MARK2: variants seen among roughly 807,000 people sequenced by gnomAD.
The protein encoded by MARK2 is microtubule affinity regulating kinase 2, also known as serine/threonine-protein kinase MARK2.
A neutral mutation model predicts 89.8 loss-of-function variants in MARK2; 16 were observed. The ratio of observed to expected loss-of-function variants is 0.18; its 90% CI spans 0.12 to 0.27. MARK2 has a LOEUF of 0.27. Among genes scored for constraint, MARK2 ranks in the 10% least tolerant of loss-of-function variants. The probability of loss-of-function intolerance (pLI) is 1.00; values close to 1 mark genes in which losing one functional copy is unlikely to be tolerated. For synonymous variants in MARK2, 382 were observed against 399.5 expected (o/e 0.96, Z 0.52); for missense variants, 621 against 1,049.9 (o/e 0.59, Z 5.65).
intron 1 of MARK2, among the ~76,000 whole-genome samples, chr11:63,869,916 G>C (rs1938352732): frequency 6.6e-6 from 1 of 150,542 alleles, no homozygotes; most frequent in African/African-American, 2.5e-5. Context: ...ATCCATACAG[G>C]AAGACACTCA....
chr11:63,901,002 C>T lies in MARK2; in HGVS notation c.1034C>T (p.Ser345Leu), dbSNP rs747377755. 6.8e-6 allele frequency: 11 copies of T among 1,614,158 alleles called. No individual in the cohort carries two copies. The highest frequency in any genetic ancestry group is 1.3e-5 in the African/African-American group (1 of 75,038). The change falls in exon 11 of 19, where the codon TCG (serine) becomes TTG (leucine). Residue 345 changes from serine (S) to leucine (L), a missense_variant. Physicochemically the swap from Ser to Leu is moderately radical, Grantham distance 145 (BLOSUM62 -2). Coordinates refer to ENST00000402010, the MANE Select transcript of MARK2 (RefSeq NM_001039469.3). ...MGYTREEIQD[S>L]LVGQRYNEVM... ...TATACACGGGAAGAGATCCAGGACTCGCTGGTGGGCCAGAGATACAACGAG... is the reference window on the plus strand; with the variant it reads ...TATACACGGGAAGAGATCCAGGACTTGCTGGTGGGCCAGAGATACAACGAG...
chr11:63,883,545 A>G (rs1300717976), intron 1 of MARK2, among the ~76,000 whole-genome samples: 4 of 151,910 alleles, frequency 2.6e-5, no homozygotes, highest in African/African-American at 9.7e-5. Flanking sequence ...ACATTACTGA[A>G]CACCACGTTC....
In MARK2 at chr11:63,908,324, C is replaced by T. The variant is rs371563761; in HGVS notation, c.2006+20C>T. ...GCTCAGGTGAGAGGGCTGGAGCCAG[C>T]ACTGGCCCTGCCCGGGCCACCGGGC... On this transcript the variant is annotated intron_variant, in intron 18 of 18. Coordinates refer to ENST00000402010, the MANE Select transcript of MARK2 (RefSeq NM_001039469.3). 10 of 1,553,874 alleles carry T rather than the reference C, an allele frequency of 6.4e-6. No individual in the cohort carries two copies. The highest frequency in any genetic ancestry group is 7.0e-6 in the Non-Finnish European group (8 of 1,147,432).
At chr11:63,856,010 AT>A (rs1340460551) in intron 1 of MARK2, among the ~76,000 whole-genome samples, 1 of 152,244 alleles carries the variant, frequency 6.6e-6, no homozygotes, top group Non-Finnish European at 1.5e-5. Context: ...GTAGTCCTCA[AT>A]AATTTTTTAA....
At chr11:63,864,355 CGA>C (rs1326905934) in intron 1 of MARK2, among the ~76,000 whole-genome samples, 1 of 151,604 alleles carries the variant, frequency 6.6e-6, no homozygotes, top group African/African-American at 2.4e-5. Flanking sequence ...CAGGTTCAAG[CGA>C]TTCTCCTGCC....
At chr11:63,899,800 C>G in intron 7 of MARK2, 74 bp from the exon 8 acceptor site, 4 of 936,844 alleles carry the variant, frequency 4.3e-6, no homozygotes, top group South Asian at 4.1e-5. Flanking sequence ...TCTCCCATTC[C>G]CCTCAGCTCC....
intron 1 of MARK2, chr11:63,882,452 G>GA (rs1939150961): frequency 6.6e-6 from 1 of 151,840 alleles, no homozygotes; most frequent in South Asian, 2.1e-4. Context: ...GCATGGTGGC[G>GA]CATACCTGTA....
Position 63,900,059 on chromosome 11 carries a change from C to A in MARK2, c.717C>A (p.Ile239=), listed in dbSNP as rs763016757. 6.8e-6 allele frequency: 11 copies of A among 1,614,134 alleles called. No homozygotes were observed. The highest frequency in any genetic ancestry group is 3.3e-4 in the Middle Eastern group (2 of 6,062). The part of the protein sequence containing the change: ...PEVDVWSLGV[I]LYTLVSGSLP... ...TGGATGTGTGGAGCCTAGGAGTTAT[C>A]CTCTATACACTGGTCAGCGGATCCC... Residue 239 remains isoleucine (I), a synonymous_variant, in exon 8 of 19, where the codon ATC becomes ATA. Transcript: ENST00000402010. The surrounding 1 kb of genome is among the most constrained non-coding windows in gnomAD (Gnocchi z 4.7).
chr11:63,843,873 A>T (rs1308886184), intron 1 of MARK2, among the ~76,000 whole-genome samples: 1 of 152,016 alleles, frequency 6.6e-6, no homozygotes, highest in Admixed American at 6.6e-5. Flanking sequence ...GATCTGCTGG[A>T]TAAATATTTT....
Position 63,904,702 on chromosome 11 carries a change from C to T in MARK2, c.1677-84C>T, listed in dbSNP as rs1449307444. On this transcript the variant is annotated intron_variant, in intron 15 of 18. Coordinates refer to ENST00000402010, the MANE Select transcript of MARK2 (RefSeq NM_001039469.3). The surrounding 1 kb of genome is among the most constrained non-coding windows in gnomAD (Gnocchi z 6.3). ...TCTGCCCTAGCATCCCCCTCCCTGT[C>T]CCCACCACAGGGTGTCCAGGTGCCC... The T allele has an allele frequency of 3.2e-6, 4 of 1,239,540 alleles. No homozygotes were observed. The African/African-American group carries it at 4.4e-5, about 14-fold the overall frequency. 76.8% of individuals were successfully genotyped at this position (1,239,540 alleles called of 1,614,324 possible). A position where few individuals can be genotyped will look rare whatever the true frequency, so the allele number is the denominator to read the frequency against.
intron 1 of MARK2, among the ~76,000 whole-genome samples, chr11:63,892,330 A>G (rs1170628116): frequency 6.6e-6 from 1 of 152,256 alleles, no homozygotes; most frequent in African/African-American, 2.4e-5. Flanking sequence ...ACGTGGGCAC[A>G]GTGAAGAAGG....
intron 1 of MARK2, among the ~76,000 whole-genome samples, chr11:63,850,399 C>T (rs1389196747): frequency 2.8e-5 from 4 of 142,598 alleles, no homozygotes; most frequent in Middle Eastern, 4.2e-3. Flanking sequence ...GAACTCCTGA[C>T]CTCATGATCT....
chr11:63,857,134 A>G (rs544217477), intron 1 of MARK2, among the ~76,000 whole-genome samples: 1 of 148,050 alleles, frequency 6.8e-6, no homozygotes, highest in Non-Finnish European at 1.5e-5. Flanking sequence ...TTTTATACTC[A>G]TTTCCTTTTT....
At chr11:63,906,818 C>T (rs1238097617) in intron 17 of MARK2, among the ~76,000 whole-genome samples, 1 of 151,534 alleles carries the variant, frequency 6.6e-6, no homozygotes, top group African/African-American at 2.4e-5. Context: ...CCCACCCACC[C>T]GCACCCCTGC....
Position 63,904,683 on chromosome 11 carries a change from C to T in MARK2, c.1677-103C>T. 1 of 954,974 alleles carries T rather than the reference C, an allele frequency of 1.0e-6. No homozygotes were observed. Among genetic ancestry groups the T allele is most frequent in the East Asian group, 2.4e-5 (1 of 41,496 alleles). 59.2% of individuals were successfully genotyped at this position (954,974 alleles called of 1,614,324 possible). The stretch of plus-strand genomic sequence containing the variant: ...TGTCCTCGTGATGGCTGCCTCTGCC[C>T]TAGCATCCCCCTCCCTGTCCCCACC... On this transcript the variant is annotated intron_variant, in intron 15 of 18. Transcript: ENST00000402010. The surrounding 1 kb of genome is among the most constrained non-coding windows in gnomAD (Gnocchi z 6.3).
At chr11:63,846,133 C>A (rs1160792031) in intron 1 of MARK2, among the ~76,000 whole-genome samples, 1 of 152,158 alleles carries the variant, frequency 6.6e-6, no homozygotes, top group Admixed American at 6.5e-5. Context: ...CATCCCAGTT[C>A]CTCCTCTTGC....
At chr11:63,883,806 C>T (rs1034187554) in intron 1 of MARK2, among the ~76,000 whole-genome samples, 2 of 152,042 alleles carry the variant, frequency 1.3e-5, no homozygotes, top group African/African-American at 2.4e-5. Flanking sequence ...AGGCTGGCCT[C>T]GAGTTCCTAG....
At chr11:63,866,517 T>C (rs1223603157) in intron 1 of MARK2, among the ~76,000 whole-genome samples, 1 of 152,236 alleles carries the variant, frequency 6.6e-6, no homozygotes, top group Non-Finnish European at 1.5e-5. Flanking sequence ...ACCTTCATTA[T>C]GACTGTGGTG....
intron 1 of MARK2, among the ~76,000 whole-genome samples, chr11:63,868,298 G>A (rs1938244692): frequency 6.6e-6 from 1 of 151,922 alleles, no homozygotes; most frequent in Non-Finnish European, 1.5e-5. Context: ...AGGCAGAGGT[G>A]GGAGGATTGC....
Sources: allele counts gnomAD v4.1 joint callset (sites outside exome capture counted in the v4.1 genomes callset), GRCh38; gene constraint gnomAD v4.1.1; non-coding constraint Gnocchi (gnomAD v3.1); transcripts MANE v1.5; gene names NCBI Gene and HGNC (gene_info 2026-07-23, HGNC 2026-07-21).